CUTC: variants seen among roughly 807,000 people sequenced by gnomAD.
The protein encoded by CUTC is copper homeostasis protein cutC homolog.
Under a neutral mutation model 36.2 loss-of-function variants are expected in CUTC, and 27 were observed. The ratio of observed to expected loss-of-function variants is 0.75; its 90% CI spans 0.55 to 1.03. The LOEUF (loss-of-function observed/expected upper bound fraction) is 1.03, where lower values mean the gene tolerates loss of function less well. CUTC is among the 50% of genes least tolerant of loss of function. The pLI, the probability that CUTC is intolerant of heterozygous loss-of-function variation, is 0.00. For synonymous variants in CUTC, 114 were observed against 118.3 expected, an observed-to-expected ratio of 0.96 and a Z score of 0.24; for missense variants, 315 against 343.5, an observed-to-expected ratio of 0.92 and a Z score of 0.66.
At chr10:99,736,153 T>G (rs989034737) in intron 1 of CUTC, 93 bp from the exon 2 acceptor site, 9 of 947,750 alleles carry the variant, frequency 9.5e-6, no homozygotes, top group Non-Finnish European at 1.0e-5. Context: ...ATTGGACATT[T>G]GCATTTTGGC....
chr10:99,736,207 G>C, intron 1 of CUTC, 39 bp from the exon 2 acceptor site: 4 of 1,570,526 alleles, frequency 2.5e-6, no homozygotes, highest in Non-Finnish European at 3.5e-6. Context: ...TGGATGGATA[G>C]AACCTTTATG....
chr10:99,747,178 A>G, intron 5 of CUTC, 79 bp from the exon 6 acceptor site: 1 of 1,498,348 alleles, frequency 6.7e-7, no homozygotes, highest in East Asian at 2.3e-5. Flanking sequence ...CCAGCATGCC[A>G]CTGCATGTAT....
intron 6 of CUTC, among the ~76,000 whole-genome samples, chr10:99,748,654 T>C (rs1459323963): frequency 6.6e-6 from 1 of 152,106 alleles, no homozygotes; most frequent in East Asian, 1.9e-4. Flanking sequence ...TAACCCCAAA[T>C]TTGGGGAAAT....
intron 1 of CUTC, among the ~76,000 whole-genome samples, chr10:99,733,681 C>T (rs2037258598): frequency 6.6e-6 from 1 of 152,120 alleles, no homozygotes; most frequent in African/African-American, 2.4e-5. Context: ...GTGAAAAAGT[C>T]AAATAAAGTG....
At position 99,739,173 on chromosome 10, in the gene CUTC, T is replaced by TA. The variant is rs200254804; in HGVS notation, c.134-537_134-536insA. 8.8e-3 allele frequency among the ~76,000 whole-genome samples: 1,336 copies of TA among 152,320 alleles called. 12 individuals are homozygous for TA. Among genetic ancestry groups the TA allele is most frequent in the Middle Eastern group, 0.014 (4 of 294 alleles). ...TTATTCTGCTTATTGATGAACAAAA[T>TA]GTTCTATCTTTGGCTAGTGAGAGCT... On this transcript the variant is annotated intron_variant, in intron 2 of 8. Coordinates refer to ENST00000370476, the MANE Select transcript of CUTC (RefSeq NM_015960.3).
chr10:99,755,684 C>T lies in CUTC; in HGVS notation c.767C>T (p.Thr256Ile), dbSNP rs765990448. The change falls in exon 9 of 9, where the codon ACA becomes ATA. Residue 256 changes from threonine (T) to isoleucine (I), a missense_variant. By Grantham distance (89) the Thr-to-Ile change is moderately conservative. Coordinates refer to ENST00000370476, the MANE Select transcript of CUTC (RefSeq NM_015960.3). ...LSCSEYSLKV[T>I]DVTKVRTLNA... Reference sequence around the variant, plus strand: ...TGCTCAGAATATTCCCTAAAGGTAACAGATGTGACCAAAGTAAGGACTTTG... The same window carrying T: ...TGCTCAGAATATTCCCTAAAGGTAATAGATGTGACCAAAGTAAGGACTTTG... The T allele has an allele frequency of 1.2e-6, 2 of 1,613,972 alleles. No individual in the cohort carries two copies. The highest frequency in any genetic ancestry group is 2.2e-5 in the South Asian group (2 of 91,072).
At position 99,732,249 on chromosome 10, in the gene CUTC, A is replaced by G. The variant is rs781318492; in HGVS notation, c.-100A>G. 113 of 1,525,686 alleles carry G rather than the reference A, an allele frequency of 7.4e-5. No homozygotes were observed. The highest frequency in any genetic ancestry group is 9.4e-5 in the Non-Finnish European group (107 of 1,136,104). The allele number at this position is 1,525,686 out of a possible 1,614,324, so 94.5% of individuals were successfully genotyped here. ...GGGCGTAGGTGTCGGGGACGCGCGC[A>G]CGGGCGCGCGCAGCTGTTGACGCGC... On this transcript the variant is annotated 5_prime_UTR_variant, in exon 1 of 9. Coordinates refer to ENST00000370476, the MANE Select transcript of CUTC (RefSeq NM_015960.3).
At chr10:99,735,562 G>A (rs754088571) in intron 1 of CUTC, among the ~76,000 whole-genome samples, 1 of 151,992 alleles carries the variant, frequency 6.6e-6, no homozygotes, top group East Asian at 1.9e-4. Context: ...CGCATGCCAC[G>A]ATGCCTGGCT....
intron 5 of CUTC, among the ~76,000 whole-genome samples, chr10:99,745,425 C>T (rs941317568): frequency 3.3e-5 from 5 of 152,212 alleles, no homozygotes; most frequent in African/African-American, 9.6e-5. Context: ...CAGAGGACCA[C>T]TACCACCTAA....
At chr10:99,732,500 G>T in intron 1 of CUTC, 91 bp downstream of exon 1, 1 of 1,536,432 alleles carries the variant, frequency 6.5e-7, no homozygotes, top group South Asian at 1.2e-5. Context: ...TTCTTCTGGA[G>T]TCGTTTCCTC....
intron 1 of CUTC, among the ~76,000 whole-genome samples, chr10:99,735,101 CAAAAAAAAAAAAA>C (rs56971127): frequency 1.5e-5 from 1 of 68,794 alleles, no homozygotes; most frequent in African/African-American, 5.9e-5. Context: ...GACTCTGTAT[CAAAAAAAAAAAAA>C]AAAAAAAAAA....
intron 2 of CUTC, among the ~76,000 whole-genome samples, 163 bp from the exon 3 acceptor site, chr10:99,739,547 A>G (rs963259172): frequency 6.6e-6 from 1 of 152,234 alleles, no homozygotes; most frequent in African/African-American, 2.4e-5. Context: ...GCTGCAGAGT[A>G]TAGCTGAGTT....
At position 99,738,762 on chromosome 10, in the gene CUTC, A is replaced by C. The variant is rs933698237; in HGVS notation, c.134-948A>C. Among the ~76,000 whole-genome samples, 8 of 152,166 alleles carry C rather than the reference A, an allele frequency of 5.3e-5. No homozygotes were observed. In the East Asian group the frequency reaches 1.3e-3, roughly 26 times the overall value. On this transcript the variant is annotated intron_variant, in intron 2 of 8. Transcript: ENST00000370476. ...TCCTGTTGCATCACATCAGGAGGAC[A>C]TAACATGTTGGTTTTTTTCTGTTTT...
In CUTC at chr10:99,755,709, GA is replaced by G; in HGVS notation, c.794del (p.Asn265MetfsTer22). ...VTDVTKVRTL[N>X]AIAKNILV ...CAGATGTGACCAAAGTAAGGACTTT[GA>G]ATGCTATCGCAAAGAACATCCTGGT... On this transcript the variant is annotated frameshift_variant, in exon 9 of 9. Coordinates refer to ENST00000370476, the MANE Select transcript of CUTC (RefSeq NM_015960.3). LOFTEE classifies it high-confidence loss of function. 1 of 1,613,472 alleles carries G rather than the reference GA, an allele frequency of 6.2e-7. No homozygotes were observed.
intron 1 of CUTC, among the ~76,000 whole-genome samples, chr10:99,732,998 G>T (rs2037235013): frequency 6.6e-6 from 1 of 152,000 alleles, no homozygotes; most frequent in Admixed American, 6.5e-5. Flanking sequence ...AATCCTCAAA[G>T]ATTTTTTCTT....
intron 2 of CUTC, among the ~76,000 whole-genome samples, chr10:99,736,907 T>C (rs1377728747): frequency 6.6e-6 from 1 of 152,198 alleles, no homozygotes; most frequent in Non-Finnish European, 1.5e-5. Flanking sequence ...AGCTGCATAG[T>C]ATATATATTT....
At chr10:99,733,575 A>G (rs1487866122) in intron 1 of CUTC, among the ~76,000 whole-genome samples, 4 of 152,068 alleles carry the variant, frequency 2.6e-5, no homozygotes, top group African/African-American at 4.8e-5. Flanking sequence ...CGGAGGTTGC[A>G]GTAAGCCGAG....
intron 1 of CUTC, 131 bp downstream of exon 1, chr10:99,732,540 T>C (rs2037221395): frequency 3.4e-6 from 5 of 1,479,352 alleles, no homozygotes; most frequent in Non-Finnish European, 3.6e-6. Context: ...GGCGGCACCT[T>C]CTATCTTTGA....
chr10:99,747,535 T>C, intron 6 of CUTC, 145 bp downstream of exon 6: 1 of 837,110 alleles, frequency 1.2e-6, no homozygotes, highest in Non-Finnish European at 1.8e-6. Flanking sequence ...TGTATATAAT[T>C]CTTATTTCTT....
Sources: allele counts gnomAD v4.1 joint callset (sites outside exome capture counted in the v4.1 genomes callset), GRCh38; gene constraint gnomAD v4.1.1; transcripts MANE v1.5; gene names NCBI Gene and HGNC (gene_info 2026-07-23, HGNC 2026-07-21).